The following PLVAP variants were observed in gnomAD, a reference collection of about 807,000 sequenced individuals.
PLVAP encodes the protein plasmalemma vesicle associated protein, also known as plasmalemma vesicle-associated protein.
A neutral mutation model predicts 43.1 loss-of-function variants in PLVAP; 34 were observed. That is an observed-to-expected ratio of 0.79 (90% CI 0.60 to 1.05). The LOEUF (loss-of-function observed/expected upper bound fraction) is 1.05, where lower values mean the gene tolerates loss of function less well. Ranked by LOEUF, PLVAP falls within the 50% of genes least tolerant of loss-of-function variation. PLVAP has a pLI of 0.00. For synonymous variants in PLVAP, 241 were observed against 237.3 expected (o/e 1.02, Z -0.14); for missense variants, 574 against 593.4 (o/e 0.97, Z 0.34).
At chr19:17,352,469 C>T (rs1366421484) in intron 5 of PLVAP, 101 bp from the exon 6 acceptor site, 17 of 1,346,890 alleles carry the variant, frequency 1.3e-5, no homozygotes, top group Admixed American at 1.8e-5. Context: ...GACACAACAT[C>T]CTGGGGACCC....
chr19:17,365,246 T>C (rs1394990769), intron 3 of PLVAP, 40 bp downstream of exon 3: 1 of 1,558,704 alleles, frequency 6.4e-7, no homozygotes, highest in Non-Finnish European at 8.7e-7. Context: ...CATCTGGACC[T>C]AACTCCACTG....
At chr19:17,365,219 C>T (rs1009535529) in intron 3 of PLVAP, 67 bp downstream of exon 3, 22 of 1,450,462 alleles carry the variant, frequency 1.5e-5, no homozygotes, top group East Asian at 2.3e-5. Context: ...AAGTTCAAAT[C>T]GCCACCACCC....
At chr19:17,358,782 G>T (rs930067499) in intron 5 of PLVAP, among the ~76,000 whole-genome samples, 1 of 151,038 alleles carries the variant, frequency 6.6e-6, no homozygotes, top group Non-Finnish European at 1.5e-5. Flanking sequence ...GCATTTCCAG[G>T]CCCTTGACTT....
intron 4 of PLVAP, 70 bp downstream of exon 4, chr19:17,360,702 G>T: frequency 6.3e-7 from 1 of 1,579,528 alleles, no homozygotes; most frequent in Non-Finnish European, 8.7e-7. Flanking sequence ...GAGTGGGAAA[G>T]TGGGGCTGGG....
intron 5 of PLVAP, among the ~76,000 whole-genome samples, chr19:17,354,035 A>AAT (rs2074496484): frequency 6.6e-6 from 1 of 152,216 alleles, no homozygotes; most frequent in South Asian, 2.1e-4. Flanking sequence ...CATGCCTGTA[A>AAT]TCCCAGCACT....
intron 1 of PLVAP, among the ~76,000 whole-genome samples, chr19:17,367,421 T>C (rs997942883): frequency 1.3e-5 from 2 of 149,914 alleles, no homozygotes; most frequent in Non-Finnish European, 3.0e-5. Flanking sequence ...AGAGTTTCGC[T>C]CTTGTTGCCC....
Position 17,352,209 on chromosome 19 carries a change from A to C in PLVAP, c.*153T>G. ...GGCGCGGGTGCGGGTGTGAGAGGGTACTAGGGGTTTGCATGCAGGGAGTTG... is the reference window on the plus strand; with the variant it reads ...GGCGCGGGTGCGGGTGTGAGAGGGTCCTAGGGGTTTGCATGCAGGGAGTTG... On this transcript the variant is annotated 3_prime_UTR_variant, in exon 6 of 6. Coordinates refer to ENST00000252590, the MANE Select transcript of PLVAP (RefSeq NM_031310.3). 9.9e-7 allele frequency: 1 copy of C among 1,005,038 alleles called. No individual in the cohort carries two copies. Among genetic ancestry groups the C allele is most frequent in the Non-Finnish European group, 1.5e-6 (1 of 678,832 alleles). The allele number at this position is 1,005,038 out of a possible 1,614,324, so 62.3% of individuals were successfully genotyped here.
Position 17,359,139 on chromosome 19 carries a change from G to A in PLVAP, c.1322+1389C>T, listed in dbSNP as rs575137539. On this transcript the variant is annotated intron_variant, in intron 5 of 5. Transcript: ENST00000252590. ...TTTATTATTTTTATTTTTATTTTTT[G>A]TTGCCCAGGCTGGAGTGTAGTGGCT... 2.2e-4 allele frequency among the ~76,000 whole-genome samples: 33 copies of A among 150,970 alleles called. No individual in the cohort carries two copies. The South Asian group carries it at 6.7e-3, about 31-fold the overall frequency.
chr19:17,352,869 C>A (rs1004432093), intron 5 of PLVAP, among the ~76,000 whole-genome samples: 1 of 152,234 alleles, frequency 6.6e-6, no homozygotes, highest in African/African-American at 2.4e-5. Flanking sequence ...AAGTCCAAAC[C>A]TTACAACGTG....
intron 1 of PLVAP, among the ~76,000 whole-genome samples, chr19:17,373,499 T>C (rs2074582860): frequency 6.6e-6 from 1 of 151,968 alleles, no homozygotes; most frequent in African/African-American, 2.4e-5. Context: ...GGGAGGTCTG[T>C]CTTTGCCACT....
In PLVAP at chr19:17,365,573, C is replaced by A; in HGVS notation, c.892G>T (p.Ala298Ser). 1 of 1,612,192 alleles carries A rather than the reference C, an allele frequency of 6.2e-7. No individual in the cohort carries two copies. The highest frequency in any genetic ancestry group is 8.5e-7 in the Non-Finnish European group (1 of 1,180,028). ...CGTTGGAGGTCTGAGTTCTCGCGGG[C>A]CACGCGTTCGATATCCGCCCGGAGG... ...RSLRADIERVARENSDLQRQK... is the reference protein window; with the variant it reads ...RSLRADIERVSRENSDLQRQK... The change falls in exon 3 of 6, where the codon GCC becomes TCC. Residue 298 changes from alanine (A) to serine (S), a missense_variant. Transcript: ENST00000252590.
At chr19:17,365,162 G>A (rs1355339823) in intron 3 of PLVAP, 124 bp downstream of exon 3, 8 of 800,688 alleles carry the variant, frequency 1.0e-5, no homozygotes, top group Non-Finnish European at 1.2e-5. Context: ...CTAGAGAGTT[G>A]TAACTCACCC....
chr19:17,371,547 T>C (rs1000950930), intron 1 of PLVAP, among the ~76,000 whole-genome samples: 9 of 151,870 alleles, frequency 5.9e-5, no homozygotes, highest in African/African-American at 2.2e-4. Context: ...TGGAGTGTGG[T>C]GGTGTGATCA....
At chr19:17,353,677 G>A (rs1259877336) in intron 5 of PLVAP, among the ~76,000 whole-genome samples, 2 of 152,038 alleles carry the variant, frequency 1.3e-5, no homozygotes, top group Non-Finnish European at 1.5e-5. Context: ...TCACCTCCTC[G>A]GTGTAGCCTG....
At position 17,369,311 on chromosome 19, in the gene PLVAP, G is replaced by C. The variant is rs564362359; in HGVS notation, c.370-3116C>G. Among the ~76,000 whole-genome samples, 11 of 151,380 alleles carry C rather than the reference G, an allele frequency of 7.3e-5. No homozygotes were observed. The South Asian group carries it at 2.3e-3, about 31-fold the overall frequency. On this transcript the variant is annotated intron_variant, in intron 1 of 5. Transcript: ENST00000252590. ...AGTGATTCCCCAGCCTCAGCCTCTC[G>C]AGTAGCTGGGATTACAGGTGTGCAC...
intron 5 of PLVAP, among the ~76,000 whole-genome samples, chr19:17,355,001 C>A (rs570939726): frequency 2.6e-5 from 4 of 151,576 alleles, no homozygotes; most frequent in African/African-American, 9.7e-5. Flanking sequence ...GCGGGCAGAT[C>A]ACCTGAGATC....
chr19:17,376,122 G>A (rs1367850106), intron 1 of PLVAP, among the ~76,000 whole-genome samples: 1 of 152,044 alleles, frequency 6.6e-6, no homozygotes, highest in Non-Finnish European at 1.5e-5. Context: ...AGGCTTCAGT[G>A]AGCTATGCTC....
intron 5 of PLVAP, among the ~76,000 whole-genome samples, chr19:17,355,624 G>A (rs2074504041): frequency 6.6e-6 from 1 of 151,620 alleles, no homozygotes; most frequent in South Asian, 2.1e-4. Context: ...CACCTCCCAG[G>A]TCCTGGTTCA....
intron 1 of PLVAP, among the ~76,000 whole-genome samples, chr19:17,374,296 C>A (rs533134750): frequency 1.8e-4 from 27 of 152,248 alleles, no homozygotes; most frequent in Non-Finnish European, 1.8e-4. Flanking sequence ...GAAACCCGGT[C>A]TCTACTAAAA....
Sources: gnomAD v4.1 joint callset for allele counts (sites outside exome capture counted in the v4.1 genomes callset) on GRCh38, gnomAD v4.1.1 for gene constraint, MANE v1.5 for transcripts, NCBI Gene and HGNC (gene_info 2026-07-23, HGNC 2026-07-21) for gene names.